Variants in DNAH7 observed in about 807,000 individuals in gnomAD.
The protein encoded by DNAH7 is axonemal beta dynein heavy chain 7.
DNAH7 carries 397 observed loss-of-function variants against 444.6 expected under a neutral mutation model. The observed-to-expected ratio is 0.89, with a 90% confidence interval of 0.82 to 0.97. The LOEUF is 0.97. Ranked by LOEUF, DNAH7 falls within the 50% of genes least tolerant of loss-of-function variation. The pLI, the probability that DNAH7 is intolerant of heterozygous loss-of-function variation, is 0.00. For synonymous variants in DNAH7, 1,636 were observed against 1,624.4 expected, an observed-to-expected ratio of 1.01 and a Z score of -0.17; for missense variants, 4,902 against 4,800.8, an observed-to-expected ratio of 1.02 and a Z score of -0.62.
intron 48 of DNAH7, among the ~76,000 whole-genome samples, chr2:195,831,427 G>A (rs1698064894): frequency 6.6e-6 from 1 of 152,222 alleles, no homozygotes; most frequent in Non-Finnish European, 1.5e-5. Context: ...GGCTGCCTGT[G>A]AGGGACAATA....
Position 195,960,463 on chromosome 2 carries a change from G to A in DNAH7, c.2688C>T (p.Ser896=), listed in dbSNP as rs756749544. 4 of 1,614,116 alleles carry A rather than the reference G, an allele frequency of 2.5e-6. No individual in the cohort carries two copies. The South Asian group carries it at 3.3e-5, about 13-fold the overall frequency. ...DRFEGISEAA[S]KEYSLEKAME... The stretch of plus-strand genomic sequence containing the variant: ...TCGCCTTTTCAAGAGAATATTCTTT[G>A]CTAGCTGCTTCACTAATACCTTCAA... The change falls in exon 18 of 65, where the codon AGC becomes AGT. Residue 896 remains serine, a synonymous_variant. Transcript: ENST00000312428.
At chr2:195,907,810 C>G (rs748263133) in intron 25 of DNAH7, among the ~76,000 whole-genome samples, 5 of 152,074 alleles carry the variant, frequency 3.3e-5, no homozygotes, top group African/African-American at 1.2e-4. Flanking sequence ...CCGAACCACA[C>G]TGGATTGTAC....
intron 58 of DNAH7, among the ~76,000 whole-genome samples, chr2:195,785,587 C>CTT (rs56028042): frequency 1.9e-3 from 215 of 114,546 alleles, no homozygotes; most frequent in Middle Eastern, 0.011. Context: ...TTACTGAGAG[C>CTT]TTTTTTTTTT....
chr2:195,936,953 C>G (rs375428489), intron 19 of DNAH7, among the ~76,000 whole-genome samples, 161 bp from the exon 20 acceptor site: 4 of 152,016 alleles, frequency 2.6e-5, no homozygotes, highest in African/African-American at 9.7e-5. Context: ...TATTCTAGGT[C>G]TACTTGGCCT....
chr2:195,920,190 T>C (rs1687939852), intron 24 of DNAH7, among the ~76,000 whole-genome samples: 1 of 151,998 alleles, frequency 6.6e-6, no homozygotes, highest in African/African-American at 2.4e-5. Flanking sequence ...TGGTCATACT[T>C]CACAGAACTA....
At chr2:195,968,043 G>A (rs1691598999) in intron 17 of DNAH7, among the ~76,000 whole-genome samples, 1 of 152,170 alleles carries the variant, frequency 6.6e-6, no homozygotes, top group Non-Finnish European at 1.5e-5. Flanking sequence ...TTCATTTAAG[G>A]CCCAAGCACT....
At chr2:196,041,937 T>C (rs768616934) in intron 5 of DNAH7, among the ~76,000 whole-genome samples, 1 of 151,916 alleles carries the variant, frequency 6.6e-6, no homozygotes, top group Non-Finnish European at 1.5e-5. Flanking sequence ...AAGATGTACA[T>C]ATGGCCAACA....
chr2:196,017,220 C>T (rs1430984116), intron 9 of DNAH7, among the ~76,000 whole-genome samples: 3 of 152,068 alleles, frequency 2.0e-5, no homozygotes, highest in African/African-American at 7.2e-5. Context: ...TCACCATCTT[C>T]GGCAGGCTGG....
At chr2:196,041,083 A>G (rs1373829080) in intron 5 of DNAH7, among the ~76,000 whole-genome samples, 1 of 151,918 alleles carries the variant, frequency 6.6e-6, no homozygotes, top group Admixed American at 6.6e-5. Flanking sequence ...ATGCAAAGCA[A>G]TCATGGATTG....
Position 195,906,935 on chromosome 2 carries a change from A to AGAGT in DNAH7, c.4178_4179insACTC (p.Ala1394LeufsTer13). ...TTTGGATAGTAAGGATTTGTTGAGC[A>AGAGT]ACCACAGAGAGTACTTCCAAATCAA... On this transcript the variant is annotated frameshift_variant, in exon 26 of 65. Transcript: ENST00000312428. LOFTEE classifies it high-confidence loss of function. 1 of 1,613,204 alleles carries AGAGT rather than the reference A, an allele frequency of 6.2e-7. No individual in the cohort carries two copies. Among genetic ancestry groups the AGAGT allele is most frequent in the South Asian group, 1.1e-5 (1 of 91,032 alleles).
intron 21 of DNAH7, among the ~76,000 whole-genome samples, chr2:195,930,408 CA>C (rs1225341946): frequency 6.6e-6 from 1 of 151,936 alleles, no homozygotes; most frequent in Non-Finnish European, 1.5e-5. Flanking sequence ...TACTAGTGAC[CA>C]AAAAACATAT....
chr2:195,990,192 C>T (rs1031366888), intron 12 of DNAH7, among the ~76,000 whole-genome samples: 2 of 152,178 alleles, frequency 1.3e-5, no homozygotes, highest in African/African-American at 4.8e-5. Context: ...TTTCTTCTAG[C>T]AGTTTCACAG....
chr2:195,915,121 T>C (rs910977901), intron 24 of DNAH7, among the ~76,000 whole-genome samples: 1 of 152,186 alleles, frequency 6.6e-6, no homozygotes, highest in South Asian at 2.1e-4. Context: ...TCTTTGTCCA[T>C]GAAAAGACTA....
chr2:195,926,566 C>T lies in DNAH7; in HGVS notation c.3472G>A (p.Val1158Ile), dbSNP rs770698729. 15 of 1,585,070 alleles carry T rather than the reference C, an allele frequency of 9.5e-6. No individual in the cohort carries two copies. The highest frequency in any genetic ancestry group is 1.4e-5 in the African/African-American group (1 of 73,138). The change falls in exon 22 of 65, where the codon GTA (valine) becomes ATA (isoleucine). Residue 1158 changes from valine (V) to isoleucine (I), a missense_variant and splice_region_variant. Transcript: ENST00000312428. ...ERVMINSIHK[V>I]TGDATFAYTK... ...TAGGCAAAAGTTGCATCTCCAGTTA[C>T]CTAATCAAAAAAGAATATGCTAAAT...
chr2:195,792,140 C>G (rs1189344119), intron 57 of DNAH7, among the ~76,000 whole-genome samples: 1 of 118,156 alleles, frequency 8.5e-6, no homozygotes, highest in Non-Finnish European at 1.6e-5. Context: ...GCAATCCAAC[C>G]TGGGCAATAG....
At chr2:195,826,479 G>T (rs1468791779) in intron 48 of DNAH7, among the ~76,000 whole-genome samples, 1 of 152,210 alleles carries the variant, frequency 6.6e-6, no homozygotes, top group Non-Finnish European at 1.5e-5. Context: ...GCAGGGACAT[G>T]AACCTGGCTG....
intron 48 of DNAH7, among the ~76,000 whole-genome samples, chr2:195,828,391 T>C (rs1016878944): frequency 1.3e-5 from 2 of 151,988 alleles, no homozygotes; most frequent in African/African-American, 4.8e-5. Context: ...GAGACCATCC[T>C]GGCTAACACA....
intron 45 of DNAH7, among the ~76,000 whole-genome samples, chr2:195,853,936 G>T (rs1699546680): frequency 6.6e-6 from 1 of 152,004 alleles, no homozygotes; most frequent in Non-Finnish European, 1.5e-5. Context: ...GGCCTTAAAG[G>T]TTAAGTGTTT....
At chr2:195,986,476 C>T (rs977106590) in intron 14 of DNAH7, among the ~76,000 whole-genome samples, 1 of 152,064 alleles carries the variant, frequency 6.6e-6, no homozygotes, top group African/African-American at 2.4e-5. Flanking sequence ...TGATGCTAGT[C>T]GAGAGATTCC....
Sources: gnomAD v4.1 joint callset for allele counts (sites outside exome capture counted in the v4.1 genomes callset) on GRCh38, gnomAD v4.1.1 for gene constraint, MANE v1.5 for transcripts, NCBI Gene and HGNC (gene_info 2026-07-23, HGNC 2026-07-21) for gene names.